Variants in UNC5D observed in about 807,000 individuals in gnomAD.
UNC5D encodes netrin receptor UNC5D.
UNC5D carries 39 observed loss-of-function variants against 105.4 expected under a neutral mutation model. The ratio of observed to expected loss-of-function variants is 0.37; its 90% confidence interval spans 0.29 to 0.48. The LOEUF (loss-of-function observed/expected upper bound fraction) is 0.48, where lower values mean the gene tolerates loss of function less well. Among genes scored for constraint, UNC5D ranks in the 20% least tolerant of loss-of-function variants. The pLI, the probability that UNC5D is intolerant of heterozygous loss-of-function variation, is 0.98. For missense variants in UNC5D, 991 were observed against 1,202.4 expected, an observed-to-expected ratio of 0.82 and a Z score of 2.60; for synonymous variants, 452 against 450.4, an observed-to-expected ratio of 1.00 and a Z score of -0.04.
chr8:35,658,088 C>G (rs1012374335), intron 4 of UNC5D, among the ~76,000 whole-genome samples: 12 of 152,180 alleles, frequency 7.9e-5, no homozygotes, highest in Non-Finnish European at 1.6e-4. Flanking sequence ...TAATCCCTAA[C>G]AGAATTCGTA....
intron 1 of UNC5D, among the ~76,000 whole-genome samples, chr8:35,447,219 G>T (rs1243014914): frequency 6.6e-6 from 1 of 152,030 alleles, no homozygotes; most frequent in Non-Finnish European, 1.5e-5. Context: ...TTTTGTAGAT[G>T]TACAATCTAG....
At chr8:35,453,363 T>G (rs1176469429) in intron 1 of UNC5D, among the ~76,000 whole-genome samples, 1 of 152,012 alleles carries the variant, frequency 6.6e-6, no homozygotes, top group Non-Finnish European at 1.5e-5. Flanking sequence ...TCTTGAAAAA[T>G]GGGTGTGCTA....
intron 8 of UNC5D, among the ~76,000 whole-genome samples, chr8:35,715,508 G>A (rs577203844): frequency 6.6e-6 from 1 of 152,200 alleles, no homozygotes; most frequent in South Asian, 2.1e-4. Context: ...TAACTGATTG[G>A]GGAGATTATG....
At chr8:35,245,615 G>C (rs1473494198) in intron 1 of UNC5D, among the ~76,000 whole-genome samples, 2 of 152,142 alleles carry the variant, frequency 1.3e-5, no homozygotes, top group East Asian at 1.9e-4. Context: ...TTTCAACTTA[G>C]AGCAAAAAAT....
At chr8:35,473,222 TG>T (rs1809860845) in intron 1 of UNC5D, among the ~76,000 whole-genome samples, 1 of 152,180 alleles carries the variant, frequency 6.6e-6, no homozygotes, top group African/African-American at 2.4e-5. Context: ...GGAAGTCATC[TG>T]GGGATGTCCC....
rs188193451 is a variant in UNC5D, at chr8:35,286,636, C to G, written c.103+50749C>G. Among the ~76,000 whole-genome samples, 90 of 152,282 alleles carry G rather than the reference C, an allele frequency of 5.9e-4. 1 individual carries two copies. Among genetic ancestry groups the G allele is most frequent in the Non-Finnish European group, 1.6e-4 (11 of 68,020 alleles). On this transcript the variant is annotated intron_variant, in intron 1 of 16. Transcript: ENST00000404895. ...AGTGAAGAGATGATCCAACTCAGCC[C>G]TGATGCTCTCATTATGTCTTCCCCA... is the stretch of plus-strand genomic sequence containing the variant.
chr8:35,384,469 T>G (rs1253684540), intron 1 of UNC5D, among the ~76,000 whole-genome samples: 1 of 152,164 alleles, frequency 6.6e-6, no homozygotes, highest in East Asian at 1.9e-4. Context: ...GGTTTGTGTC[T>G]TTGAAGTCTT....
chr8:35,235,922 G>A (rs542031949), intron 1 of UNC5D, 35 bp downstream of exon 1: 3 of 1,222,538 alleles, frequency 2.5e-6, no homozygotes, highest in South Asian at 4.1e-5. Flanking sequence ...CTGGGGGCGA[G>A]GGCGCAGGGG....
At chr8:35,561,959 CA>C (rs1187899257) in intron 2 of UNC5D, among the ~76,000 whole-genome samples, 2 of 152,144 alleles carry the variant, frequency 1.3e-5, no homozygotes, top group African/African-American at 4.8e-5. Context: ...ACTGAACTGT[CA>C]AACACTGGAT....
intron 8 of UNC5D, among the ~76,000 whole-genome samples, chr8:35,717,560 A>G (rs572588330): frequency 9.9e-5 from 15 of 152,184 alleles, no homozygotes; most frequent in Non-Finnish European, 2.2e-4. Flanking sequence ...CTTTGGCCAA[A>G]AAACTAAAAT....
At chr8:35,355,542 A>G (rs1801504708) in intron 1 of UNC5D, among the ~76,000 whole-genome samples, 2 of 152,096 alleles carry the variant, frequency 1.3e-5, no homozygotes, top group Non-Finnish European at 2.9e-5. Flanking sequence ...ATCTTGGTGC[A>G]TGTCAAGCAG....
At chr8:35,497,390 G>T (rs939859338) in intron 1 of UNC5D, among the ~76,000 whole-genome samples, 2 of 147,208 alleles carry the variant, frequency 1.4e-5, no homozygotes, top group Non-Finnish European at 3.0e-5. Context: ...AGAAAGTGAG[G>T]GTGACCTCCC....
chr8:35,639,048 C>T (rs954360057), intron 4 of UNC5D, among the ~76,000 whole-genome samples: 5 of 152,174 alleles, frequency 3.3e-5, no homozygotes, highest in Admixed American at 3.3e-4. Context: ...ATCTTTCCCA[C>T]ACTGAATTGT....
chr8:35,305,603 T>TTCATTTCTTTCAG (rs1808317469), intron 1 of UNC5D, among the ~76,000 whole-genome samples: 1 of 150,138 alleles, frequency 6.7e-6, no homozygotes, highest in Non-Finnish European at 1.5e-5. Context: ...CTTTCTTTCT[T>TTCATTTCTTTCAG]TCTTTCTTTC....
intron 16 of UNC5D, among the ~76,000 whole-genome samples, chr8:35,784,882 TAAC>T (rs1346389987): frequency 6.6e-6 from 1 of 152,176 alleles, no homozygotes; most frequent in Admixed American, 6.5e-5. Flanking sequence ...GAAAAGGCTA[TAAC>T]AAAAGGTTCC....
chr8:35,558,003 G>C (rs1460007045), intron 2 of UNC5D, among the ~76,000 whole-genome samples: 2 of 151,866 alleles, frequency 1.3e-5, no homozygotes, highest in African/African-American at 2.4e-5. Flanking sequence ...GTGGTGGTGG[G>C]CACCTATAAT....
Position 35,633,240 on chromosome 8 carries a change from A to G in UNC5D, c.570+37583A>G, listed in dbSNP as rs555074990. Among the ~76,000 whole-genome samples, 28 of 152,322 alleles carry G rather than the reference A, an allele frequency of 1.8e-4. No individual in the cohort carries two copies. The South Asian group carries it at 3.7e-3, about 20-fold the overall frequency. ...ACACAACTCTACAATGCTTAAGTAA[A>G]TCAGCAGCATATCTCTACATGCTTG... On this transcript the variant is annotated intron_variant, in intron 4 of 16. Coordinates refer to ENST00000404895, the MANE Select transcript of UNC5D (RefSeq NM_080872.4).
intron 4 of UNC5D, among the ~76,000 whole-genome samples, chr8:35,635,232 G>A (rs886940265): frequency 2.0e-5 from 3 of 151,834 alleles, no homozygotes; most frequent in East Asian, 1.9e-4. Context: ...TCCATGTCAG[G>A]TATCTCATTT....
intron 1 of UNC5D, among the ~76,000 whole-genome samples, chr8:35,444,322 A>C (rs373446428): frequency 1.3e-5 from 2 of 152,214 alleles, no homozygotes; most frequent in East Asian, 3.9e-4. Flanking sequence ...GTTAGTAAGC[A>C]CGTTCAATCT....
Sources: gnomAD v4.1 joint callset for allele counts (sites outside exome capture counted in the v4.1 genomes callset) on GRCh38, gnomAD v4.1.1 for gene constraint, MANE v1.5 for transcripts, NCBI Gene and HGNC (gene_info 2026-07-23, HGNC 2026-07-21) for gene names.